The following PITPNM2 variants were observed in gnomAD, a reference collection of about 807,000 sequenced individuals.
PITPNM2 encodes membrane-associated phosphatidylinositol transfer protein 2.
In PITPNM2, 35 loss-of-function variants were observed where a neutral mutation model predicts 132.2. The ratio of observed to expected loss-of-function variants is 0.26; its 90% CI spans 0.20 to 0.35. The LOEUF (loss-of-function observed/expected upper bound fraction) is 0.35. Among genes scored for constraint, PITPNM2 ranks in the 10% least tolerant of loss-of-function variants. PITPNM2 has a pLI of 1.00. For synonymous variants in PITPNM2, 738 were observed against 799.2 expected (o/e 0.92, Z 1.29); for missense variants, 1,332 against 1,912.0 (o/e 0.70, Z 5.66).
At position 123,082,409 on chromosome 12, in the gene PITPNM2, T is replaced by C. The variant is rs888890714; in HGVS notation, c.-96+27976A>G. Among the ~76,000 whole-genome samples, 13 of 152,330 alleles carry C rather than the reference T, an allele frequency of 8.5e-5. No individual in the cohort carries two copies. The highest frequency in any genetic ancestry group is 3.4e-3 in the Middle Eastern group (1 of 294). ...TCTTCTTTCCTTTTTATTTTAAAAA[T>C]TGTACATGTAACATAAAATTTACCA... On this transcript the variant is annotated intron_variant, in intron 2 of 25. Coordinates refer to ENST00000320201, the MANE Select transcript of PITPNM2 (RefSeq NM_020845.3). The surrounding 1 kb of genome is among the most constrained non-coding windows in gnomAD (Gnocchi z 5.4).
At chr12:122,986,955 C>T (rs1312643887) in intron 23 of PITPNM2, 126 bp from the exon 24 acceptor site, 15 of 1,246,784 alleles carry the variant, frequency 1.2e-5, no homozygotes, top group South Asian at 4.6e-5. Context: ...ACAGTAACGA[C>T]GACAATGGTT....
chr12:123,151,840 T>TA (rs903360963), upstream of PITPNM2, among the ~76,000 whole-genome samples: 5 of 152,144 alleles, frequency 3.3e-5, no homozygotes, highest in African/African-American at 1.2e-4. Context: ...ACCTAAAACT[T>TA]AGTGATGTGT....
rs755641153 is a variant in PITPNM2, at chr12:123,030,415, C to T, written c.78+4098G>A. 3.7e-4 allele frequency among the ~76,000 whole-genome samples: 56 copies of T among 152,242 alleles called. 1 individual carries two copies. The highest frequency in any genetic ancestry group is 3.4e-3 in the Middle Eastern group (1 of 294). On this transcript the variant is annotated intron_variant, in intron 3 of 25. Transcript: ENST00000320201. Reference sequence around the variant, plus strand: ...GAATTGAAAATAGATACTTGTAGGCCGGGCGCGGTGGCTCACGCCTGTAAT... The same window carrying T: ...GAATTGAAAATAGATACTTGTAGGCTGGGCGCGGTGGCTCACGCCTGTAAT...
At chr12:123,092,081 A>G (rs1381236379) in intron 2 of PITPNM2, 3 of 152,302 alleles carry the variant, frequency 2.0e-5, no homozygotes. Context: ...CCCAGCAGAG[A>G]AATCCCCCAA....
At chr12:123,073,453 G>A (rs1178831255) in intron 2 of PITPNM2, among the ~76,000 whole-genome samples, 1 of 152,108 alleles carries the variant, frequency 6.6e-6, no homozygotes, top group Non-Finnish European at 1.5e-5. Flanking sequence ...CTACACAGGT[G>A]GTTCATCTCC....
rs2038303558 is a variant in PITPNM2, at chr12:122,993,868, C to T, written c.2233+933G>A. Reference sequence around the variant, plus strand: ...CTTGGGTGCTGAGTCCAGAGGTCTGCATTTTTTTTTTTCTTTTTTTTTGAG... The same window carrying T: ...CTTGGGTGCTGAGTCCAGAGGTCTGTATTTTTTTTTTTCTTTTTTTTTGAG... On this transcript the variant is annotated intron_variant, in intron 15 of 25. Coordinates refer to ENST00000320201, the MANE Select transcript of PITPNM2 (RefSeq NM_020845.3). This position sits in a 1 kb window ranked among gnomAD's most constrained non-coding sequence, Gnocchi z 5.2. 6.6e-6 allele frequency among the ~76,000 whole-genome samples: 1 copy of T among 151,936 alleles called. No individual in the cohort carries two copies. The highest frequency in any genetic ancestry group is 1.5e-5 in the Non-Finnish European group (1 of 67,978).
chr12:123,035,114 T>A, intron 2 of PITPNM2, among the ~76,000 whole-genome samples: 1 of 152,206 alleles, frequency 6.6e-6, no homozygotes, highest in Non-Finnish European at 1.5e-5. Flanking sequence ...CATGAGACAT[T>A]CACAAGTCAG....
chr12:122,996,001 T>G lies in PITPNM2; in HGVS notation c.1783-341A>C, dbSNP rs944025527. 4.6e-5 allele frequency among the ~76,000 whole-genome samples: 7 copies of G among 152,270 alleles called. No homozygotes were observed. In the South Asian group the frequency reaches 1.0e-3, roughly 23 times the overall value. ...ACACGCATTCCTAGGCTTGGCCACA[T>G]AGCAGCTGCTCCCCTGCCCCCATGT... On this transcript the variant is annotated intron_variant, in intron 13 of 25. Transcript: ENST00000320201.
At chr12:123,045,922 G>A (rs959850625) in intron 2 of PITPNM2, among the ~76,000 whole-genome samples, 1 of 152,084 alleles carries the variant, frequency 6.6e-6, no homozygotes, top group African/African-American at 2.4e-5. Flanking sequence ...AGCTATGGCT[G>A]AGTGGGGTAC....
intron 1 of PITPNM2, among the ~76,000 whole-genome samples, chr12:123,149,183 A>C (rs970126082): frequency 1.3e-5 from 2 of 151,828 alleles, no homozygotes; most frequent in African/African-American, 4.8e-5. Flanking sequence ...CAGTCTCTCG[A>C]CTCCCGCAGT....
chr12:123,094,010 C>T (rs1004134771), intron 2 of PITPNM2, among the ~76,000 whole-genome samples: 19 of 152,146 alleles, frequency 1.2e-4, no homozygotes, highest in Non-Finnish European at 1.8e-4. Flanking sequence ...TCGGAGGCTG[C>T]GGCTGGCCCA....
chr12:123,077,242 C>T lies in PITPNM2; in HGVS notation c.-96+33143G>A, dbSNP rs959873745. On this transcript the variant is annotated intron_variant, in intron 2 of 25. Coordinates refer to ENST00000320201, the MANE Select transcript of PITPNM2 (RefSeq NM_020845.3). The surrounding 1 kb of genome is among the most constrained non-coding windows in gnomAD (Gnocchi z 4.8). Reference sequence around the variant, plus strand: ...CCAGCAGACGATCCTCCCTACACCACCTTCTTGGAAATCTTGGTTATGGGG... The same window carrying T: ...CCAGCAGACGATCCTCCCTACACCATCTTCTTGGAAATCTTGGTTATGGGG... Among the ~76,000 whole-genome samples, 2 of 152,216 alleles carry T rather than the reference C, an allele frequency of 1.3e-5. No individual in the cohort carries two copies. The highest frequency in any genetic ancestry group is 2.4e-5 in the African/African-American group (1 of 41,456).
chr12:123,004,442 C>T lies in PITPNM2; in HGVS notation c.1000G>A (p.Ala334Thr). Residue 334 changes from alanine to threonine, a missense_variant, in exon 8 of 26, where the codon GCC becomes ACC. By Grantham distance (58) the Ala-to-Thr change is moderately conservative (BLOSUM62 0). Coordinates refer to ENST00000320201, the MANE Select transcript of PITPNM2 (RefSeq NM_020845.3). This position sits in a 1 kb window ranked among gnomAD's most constrained non-coding sequence, Gnocchi z 4.9. Reference protein sequence around the residue: ...SISEWRMQSIARDSDESSDDE... With the variant: ...SISEWRMQSITRDSDESSDDE... ...TCTGAGCTCTCATCCGAGTCCCTGG[C>T]AATACTCTGCATCCTCCACTCTGAG... 6.2e-7 allele frequency: 1 copy of T among 1,614,020 alleles called. No homozygotes were observed. Among genetic ancestry groups the T allele is most frequent in the Non-Finnish European group, 8.5e-7 (1 of 1,180,036 alleles).
At chr12:123,052,076 T>TG (rs1491152885) in intron 2 of PITPNM2, among the ~76,000 whole-genome samples, 2 of 143,224 alleles carry the variant, frequency 1.4e-5, no homozygotes, top group Non-Finnish European at 1.5e-5. Flanking sequence ...TTAATTTTAT[T>TG]GTTTTTTTTT....
Position 122,986,688 on chromosome 12 carries a change from C to T in PITPNM2, c.3555G>A (p.Pro1185=), listed in dbSNP as rs147680163. The change falls in exon 24 of 26, where the codon CCG becomes CCA. Residue 1185 remains proline (P), a synonymous_variant. Transcript: ENST00000320201. ...TCAGGAAGTTGGCCTTGTGCCGCAG[C>T]GGGTCATGCACCAGGCCGTCACAGA... ...VSFCDGLVHD[P]LRHKANFLKL... The T allele has an allele frequency of 2.6e-4, 421 of 1,613,452 alleles. 2 individuals are homozygous for T. In the African/African-American group the frequency reaches 4.3e-3, roughly 16 times the overall value.
Position 123,095,406 on chromosome 12 carries a change from C to G in PITPNM2, c.-96+14979G>C, listed in dbSNP as rs923866527. ...AAACAATCATTTCTTGGGCGTGCAC[C>G]CACATGTGTACATCTCGATTTTACA... is the stretch of plus-strand genomic sequence containing the variant. On this transcript the variant is annotated intron_variant, in intron 2 of 25. Coordinates refer to ENST00000320201, the MANE Select transcript of PITPNM2 (RefSeq NM_020845.3). The surrounding 1 kb of genome is among the most constrained non-coding windows in gnomAD (Gnocchi z 5.0). 2.0e-5 allele frequency among the ~76,000 whole-genome samples: 3 copies of G among 152,150 alleles called. No individual in the cohort carries two copies. Among genetic ancestry groups the G allele is most frequent in the African/African-American group, 7.2e-5 (3 of 41,418 alleles).
chr12:123,102,819 T>C (rs2042596670), intron 2 of PITPNM2, among the ~76,000 whole-genome samples: 1 of 152,248 alleles, frequency 6.6e-6, no homozygotes, highest in Non-Finnish European at 1.5e-5. Flanking sequence ...GTATGGGTCC[T>C]GGAGGTTTAA....
rs571349257 is a variant in PITPNM2 at position 123,108,767 on chromosome 12, G to C, written c.-96+1618C>G. ...GTCCACGGTGCCAGCCTGGAACTAC[G>C]GAGCCACAGAGGCAACTTAAGAGGC... On this transcript the variant is annotated intron_variant, in intron 2 of 25. Transcript: ENST00000320201. The surrounding 1 kb of genome is among the most constrained non-coding windows in gnomAD (Gnocchi z 4.4). Among the ~76,000 whole-genome samples, 13 of 152,148 alleles carry C rather than the reference G, an allele frequency of 8.5e-5. No homozygotes were observed. The highest frequency in any genetic ancestry group is 8.3e-4 in the South Asian group (4 of 4,822).
At chr12:122,988,132 C>T in intron 20 of PITPNM2, 102 bp downstream of exon 20, 1 of 1,069,894 alleles carries the variant, frequency 9.3e-7, no homozygotes, top group South Asian at 1.4e-5. Flanking sequence ...TGGGAAGGTA[C>T]ATAAGACTGC....
Sources: allele counts gnomAD v4.1 joint callset (sites outside exome capture counted in the v4.1 genomes callset), GRCh38; gene constraint gnomAD v4.1.1; non-coding constraint Gnocchi (gnomAD v3.1); transcripts MANE v1.5; gene names NCBI Gene and HGNC (gene_info 2026-07-23, HGNC 2026-07-21).